EXOC4: variants seen among roughly 807,000 people sequenced by gnomAD.
The protein encoded by EXOC4 is SEC8-like 1.
Under a neutral mutation model 107.2 loss-of-function variants are expected in EXOC4, and 71 were observed. That is an observed-to-expected ratio of 0.66 (90% CI 0.55 to 0.81). EXOC4 has a LOEUF of 0.81. Among genes scored for constraint, EXOC4 ranks in the 30% least tolerant of loss-of-function variants. The pLI, the probability that EXOC4 is intolerant of heterozygous loss-of-function variation, is 0.00. For missense variants in EXOC4, 1,108 were observed against 1,189.6 expected, an observed-to-expected ratio of 0.93 and a Z score of 1.01; for synonymous variants, 456 against 441.2, an observed-to-expected ratio of 1.03 and a Z score of -0.42.
intron 10 of EXOC4, among the ~76,000 whole-genome samples, chr7:133,702,500 C>T (rs1024956674): frequency 6.6e-6 from 1 of 150,906 alleles, no homozygotes; most frequent in South Asian, 2.1e-4. Flanking sequence ...TCATGACTTC[C>T]AGCCAATTTT....
At chr7:133,855,084 TATATATAA>T (rs1488916186) in intron 11 of EXOC4, among the ~76,000 whole-genome samples, 4 of 100,468 alleles carry the variant, frequency 4.0e-5, no homozygotes, top group Non-Finnish European at 7.1e-5. Context: ...TATATCTAAA[TATATATAA>T]ATATATATAT....
the EXOC4 span, among the ~76,000 whole-genome samples, chr7:134,089,595 A>C: frequency 6.6e-6 from 1 of 152,186 alleles, no homozygotes; most frequent in Admixed American, 6.5e-5. Flanking sequence ...GTGGTATTCT[A>C]TGAAGCATTT....
At chr7:134,024,268 G>T (rs1439516845) in intron 17 of EXOC4, among the ~76,000 whole-genome samples, 1 of 152,104 alleles carries the variant, frequency 6.6e-6, no homozygotes, top group Non-Finnish European at 1.5e-5. Flanking sequence ...GGCTAACGCG[G>T]TGAAACCCCG....
intron 17 of EXOC4, among the ~76,000 whole-genome samples, chr7:134,032,994 A>T (rs537598938): frequency 2.0e-5 from 3 of 152,246 alleles, no homozygotes; most frequent in Non-Finnish European, 4.4e-5. Context: ...CAGAGAAACA[A>T]AAAGGAATAA....
intron 14 of EXOC4, among the ~76,000 whole-genome samples, chr7:133,989,850 G>A (rs1049211217): frequency 6.6e-6 from 1 of 152,104 alleles, no homozygotes; most frequent in Non-Finnish European, 1.5e-5. Context: ...GGCCTGAGGA[G>A]AACAGCGCGA....
intron 12 of EXOC4, among the ~76,000 whole-genome samples, chr7:133,911,490 G>C (rs1487369717): frequency 1.3e-5 from 2 of 152,106 alleles, no homozygotes; most frequent in Non-Finnish European, 2.9e-5. Flanking sequence ...ATTGTTGAGG[G>C]CAGTATGTTA....
rs184622750 is a variant in EXOC4, at chr7:133,934,835, T to A, written c.2028-3056T>A. On this transcript the variant is annotated intron_variant, in intron 13 of 17. Transcript: ENST00000253861. ...ACTGAGTGACAGCCAAGGGAAATACTGTAAATGTCTTCTGGGCTCAAATCA... is the reference window on the plus strand; with the variant it reads ...ACTGAGTGACAGCCAAGGGAAATACAGTAAATGTCTTCTGGGCTCAAATCA... 2.2e-4 allele frequency among the ~76,000 whole-genome samples: 33 copies of A among 152,062 alleles called. No individual in the cohort carries two copies. The East Asian group carries it at 6.4e-3, about 29-fold the overall frequency.
intron 10 of EXOC4, among the ~76,000 whole-genome samples, chr7:133,723,771 G>A (rs964639142): frequency 2.6e-5 from 4 of 152,074 alleles, no homozygotes; most frequent in African/African-American, 4.8e-5. Flanking sequence ...GACTACAGGC[G>A]TGAGTCACCA....
chr7:133,907,592 C>G (rs1324776975), intron 12 of EXOC4, among the ~76,000 whole-genome samples: 1 of 152,108 alleles, frequency 6.6e-6, no homozygotes, highest in East Asian at 1.9e-4. Context: ...AATCTCAGCA[C>G]TTTGGGTGGC....
At position 133,785,131 on chromosome 7, in the gene EXOC4, G is replaced by A. The variant is rs540958406; in HGVS notation, c.1515-32194G>A. On this transcript the variant is annotated intron_variant, in intron 10 of 17. Coordinates refer to ENST00000253861, the MANE Select transcript of EXOC4 (RefSeq NM_021807.4). The stretch of plus-strand genomic sequence containing the variant: ...TCCAGATTACTGCCTCATAGCAAAA[G>A]GCGTCTGGAGAAAGGAACTTCTATT... Among the ~76,000 whole-genome samples, 154 of 152,258 alleles carry A rather than the reference G, an allele frequency of 1.0e-3. 1 individual carries two copies. The highest frequency in any genetic ancestry group is 3.6e-3 in the African/African-American group (148 of 41,556).
chr7:133,983,065 G>A (rs1299252154), intron 14 of EXOC4, among the ~76,000 whole-genome samples: 1 of 152,128 alleles, frequency 6.6e-6, no homozygotes, highest in African/African-American at 2.4e-5. Flanking sequence ...CTGCTTCTGG[G>A]GAGGCCTCAG....
intron 2 of EXOC4, among the ~76,000 whole-genome samples, chr7:133,284,566 C>G (rs1308367301): frequency 2.0e-5 from 3 of 152,134 alleles, no homozygotes. Flanking sequence ...GAGTGTCGCT[C>G]TGTCGCCCAG....
intron 5 of EXOC4, among the ~76,000 whole-genome samples, chr7:133,352,254 C>T (rs866935510): frequency 1.3e-4 from 19 of 151,724 alleles, no homozygotes; most frequent in South Asian, 8.3e-4. Flanking sequence ...TATCAATTAT[C>T]GAGAGTAGGG....
intron 9 of EXOC4, among the ~76,000 whole-genome samples, chr7:133,601,371 A>G (rs1054286640): frequency 3.3e-5 from 5 of 152,058 alleles, no homozygotes; most frequent in African/African-American, 9.7e-5. Context: ...ATGTATGTGT[A>G]TATATTTATA....
chr7:133,436,779 T>G (rs1023957384), intron 7 of EXOC4, among the ~76,000 whole-genome samples: 17 of 152,190 alleles, frequency 1.1e-4, no homozygotes, highest in African/African-American at 3.9e-4. Context: ...AAATGAAATC[T>G]TCATACCCTC....
At chr7:133,794,285 A>G (rs888310) in intron 10 of EXOC4, among the ~76,000 whole-genome samples, 150,286 of 152,276 alleles carry the variant, frequency 0.99, 74,202 homozygotes, top group Middle Eastern at 1. Flanking sequence ...TCAGTAATTT[A>G]GGTGATATTT....
intron 12 of EXOC4, among the ~76,000 whole-genome samples, chr7:133,896,254 T>C (rs1215996098): frequency 6.6e-6 from 1 of 152,202 alleles, no homozygotes; most frequent in Non-Finnish European, 1.5e-5. Flanking sequence ...TAGTTATCCC[T>C]CTGATTTCCT....
At chr7:133,378,632 T>G (rs774264678) in intron 7 of EXOC4, among the ~76,000 whole-genome samples, 22 of 152,136 alleles carry the variant, frequency 1.4e-4, no homozygotes, top group Non-Finnish European at 2.9e-4. Context: ...AGGTATAATG[T>G]TTAGGGTAGC....
At chr7:133,755,326 A>C in intron 10 of EXOC4, among the ~76,000 whole-genome samples, 1 of 104,150 alleles carries the variant, frequency 9.6e-6, no homozygotes, top group Non-Finnish European at 1.9e-5. Flanking sequence ...TATATATATA[A>C]TATATATATA....
Sources: gnomAD v4.1 joint callset for allele counts (sites outside exome capture counted in the v4.1 genomes callset) on GRCh38, gnomAD v4.1.1 for gene constraint, MANE v1.5 for transcripts, NCBI Gene and HGNC (gene_info 2026-07-23, HGNC 2026-07-21) for gene names.